RNF6: variants seen among roughly 807,000 people sequenced by gnomAD.
RNF6 encodes ring finger protein 6, also known as E3 ubiquitin-protein ligase RNF6.
RNF6 carries 21 observed loss-of-function variants against 50.1 expected under a neutral mutation model. The ratio of observed to expected loss-of-function variants is 0.42; its 90% confidence interval spans 0.30 to 0.60. The LOEUF is 0.60. Ranked by LOEUF, RNF6 falls within the 20% of genes least tolerant of loss-of-function variation. The probability of loss-of-function intolerance (pLI) is 0.20; values close to 1 mark genes in which losing one functional copy is unlikely to be tolerated. For synonymous variants in RNF6, 255 were observed against 291.8 expected (o/e 0.87, Z 1.29); for missense variants, 698 against 838.2 (o/e 0.83, Z 2.07).
In RNF6 at chr13:26,198,128, GTATATA is replaced by G. The variant is rs61658351; in HGVS notation, n.768+17340_768+17345del. ...TACGAAAGTATATGTGTGTGTGTGT[GTATATA>G]TATATATATACACACACATATATAT... On this transcript the variant is annotated intron_variant and non_coding_transcript_variant, in intron 5 of 5. Coordinates refer to the RNF6 transcript ENST00000468480. Among the ~76,000 whole-genome samples the G allele has an allele frequency of 3.8e-4, 57 of 149,996 alleles. 1 individual carries two copies. Among genetic ancestry groups the G allele is most frequent in the Admixed American group, 1.1e-3 (16 of 15,054 alleles).
intron 5 of RNF6, among the ~76,000 whole-genome samples, chr13:26,153,119 C>G (rs956966720): frequency 6.6e-6 from 1 of 150,504 alleles, no homozygotes; most frequent in Admixed American, 6.6e-5. Context: ...TTCCACTGCA[C>G]TCCAGCCCAG....
intron 5 of RNF6, among the ~76,000 whole-genome samples, chr13:26,174,464 A>C (rs1872854199): frequency 6.6e-6 from 1 of 150,390 alleles, no homozygotes; most frequent in African/African-American, 2.5e-5. Flanking sequence ...CAGCCTGGCC[A>C]ACATGGTGCA....
intron 5 of RNF6, among the ~76,000 whole-genome samples, chr13:26,176,147 C>A (rs1872947374): frequency 1.3e-5 from 2 of 152,160 alleles, no homozygotes; most frequent in African/African-American, 4.8e-5. Flanking sequence ...TGAAGGAGGA[C>A]AGAGGGGTTG....
At chr13:26,197,014 A>C (rs1868693206) in intron 5 of RNF6, among the ~76,000 whole-genome samples, 1 of 151,944 alleles carries the variant, frequency 6.6e-6, no homozygotes, top group East Asian at 1.9e-4. Flanking sequence ...TGGAAAGTTA[A>C]ATATGGGAAG....
At chr13:26,179,408 C>T (rs1873127222) in intron 5 of RNF6, among the ~76,000 whole-genome samples, 2 of 152,156 alleles carry the variant, frequency 1.3e-5, no homozygotes, top group Admixed American at 6.5e-5. Context: ...CTGCCTGTAC[C>T]TCACTTCACA....
chr13:26,192,866 C>CT (rs1184352453), intron 5 of RNF6, among the ~76,000 whole-genome samples: 2 of 152,188 alleles, frequency 1.3e-5, no homozygotes, highest in Non-Finnish European at 2.9e-5. Context: ...AAACAGAGAA[C>CT]CTAGCTAAGA....
At chr13:26,163,683 A>G (rs1388909994) in intron 5 of RNF6, among the ~76,000 whole-genome samples, 2 of 152,134 alleles carry the variant, frequency 1.3e-5, no homozygotes, top group African/African-American at 2.4e-5. Context: ...CTTCTGTTCT[A>G]GGTAATCTGA....
Position 26,215,404 on chromosome 13 carries a change from T to C in RNF6, c.478A>G (p.Arg160Gly). The change falls in exon 5 of 5, where the codon AGA becomes GGA. Residue 160 changes from arginine to glycine, a missense_variant. Physicochemically the swap from Arg to Gly is moderately radical, Grantham distance 125. Coordinates refer to ENST00000381588, the MANE Select transcript of RNF6 (RefSeq NM_005977.4). ...TCTTCTCCATGAATTTCAAATCCTCTATTTTCATGATTTACGTGGATTTCC... is the reference window on the plus strand; with the variant it reads ...TCTTCTCCATGAATTTCAAATCCTCCATTTTCATGATTTACGTGGATTTCC... Reference protein sequence around the residue: ...SLEIHVNHENRGFEIHGEDYT... With the variant: ...SLEIHVNHENGGFEIHGEDYT... 1 of 1,614,230 alleles carries C rather than the reference T, an allele frequency of 6.2e-7. No individual in the cohort carries two copies. The highest frequency in any genetic ancestry group is 8.5e-7 in the Non-Finnish European group (1 of 1,180,030).
At chr13:26,179,938 C>T (rs373158824) in intron 5 of RNF6, among the ~76,000 whole-genome samples, 5 of 152,312 alleles carry the variant, frequency 3.3e-5, no homozygotes, top group East Asian at 3.9e-4. Flanking sequence ...CAAGAAGTTG[C>T]TAAAGAATCA....
chr13:26,216,832 G>C (rs186489490), intron 4 of RNF6, among the ~76,000 whole-genome samples: 2 of 152,124 alleles, frequency 1.3e-5, no homozygotes, highest in Non-Finnish European at 2.9e-5. Context: ...GCGTGCGCCT[G>C]TAATCCCAGC....
intron 5 of RNF6, among the ~76,000 whole-genome samples, chr13:26,159,279 A>G (rs1872088120): frequency 6.6e-6 from 1 of 152,188 alleles, no homozygotes; most frequent in Non-Finnish European, 1.5e-5. Flanking sequence ...TTATTTCATC[A>G]ATTGTAGTAG....
In RNF6 at chr13:26,158,508, T is replaced by A. The variant is rs527695748; in HGVS notation, n.769-26057A>T. On this transcript the variant is annotated intron_variant and non_coding_transcript_variant, in intron 5 of 5. Transcript: ENST00000468480. ...GCGTTAGGGTATCTGTGAAAGTTGG[T>A]CTATTTATAAATATCTACTAGTAAA... Among the ~76,000 whole-genome samples the A allele has an allele frequency of 2.0e-5, 3 of 152,326 alleles. No individual in the cohort carries two copies. In the East Asian group the frequency reaches 5.8e-4, roughly 29 times the overall value.
chr13:26,214,954 G>A lies in RNF6; in HGVS notation c.928C>T (p.Arg310Ter), dbSNP rs749758079. ...PIRLRSTSNS[R>*]SRSPIQRQSG... ...TGTCTCTGAATTGGTGAACGGCTTC[G>A]ACTATTGGAAGTAGATCGTAATCTT... is the stretch of plus-strand genomic sequence containing the variant. The change falls in exon 5 of 5, where the codon CGA becomes TGA. Residue 310 changes from arginine (R) to a stop codon, truncating the protein, a stop_gained. Coordinates refer to ENST00000381588, the MANE Select transcript of RNF6 (RefSeq NM_005977.4). LOFTEE classifies it high-confidence loss of function. The A allele has an allele frequency of 1.2e-6, 2 of 1,614,166 alleles. No individual in the cohort carries two copies. The highest frequency in any genetic ancestry group is 8.5e-7 in the Non-Finnish European group (1 of 1,180,038).
intron 5 of RNF6, among the ~76,000 whole-genome samples, chr13:26,181,405 T>C (rs541004974): frequency 9.2e-5 from 14 of 152,176 alleles, no homozygotes; most frequent in Non-Finnish European, 1.6e-4. Flanking sequence ...GTTGGCATTC[T>C]CCTGACCAAA....
intron 5 of RNF6, among the ~76,000 whole-genome samples, chr13:26,187,022 C>A (rs1276876775): frequency 3.9e-5 from 6 of 152,088 alleles, no homozygotes; most frequent in African/African-American, 9.7e-5. Context: ...CGTGATCCAC[C>A]CACCTCGGCC....
Position 26,202,602 on chromosome 13 carries a change from G to A in RNF6, n.768+12872C>T, listed in dbSNP as rs114655096. On this transcript the variant is annotated intron_variant and non_coding_transcript_variant, in intron 5 of 5. Transcript: ENST00000468480. The stretch of plus-strand genomic sequence containing the variant: ...GACACAAGGCAGCTTCTTATCTCTT[G>A]CTTCACAGCATCACTAAAAATAAAT... Among the ~76,000 whole-genome samples the A allele has an allele frequency of 7.4e-3, 1,121 of 152,132 alleles. 12 individuals are homozygous for A. Among genetic ancestry groups the A allele is most frequent in the African/African-American group, 0.025 (1,040 of 41,528 alleles).
chr13:26,177,507 C>T (rs1243314241), intron 5 of RNF6, among the ~76,000 whole-genome samples: 1 of 152,220 alleles, frequency 6.6e-6, no homozygotes, highest in Admixed American at 6.5e-5. Flanking sequence ...GTTAAGCACT[C>T]AGTGGGAGAG....
At chr13:26,176,559 A>G (rs909820259) in intron 5 of RNF6, among the ~76,000 whole-genome samples, 7 of 152,220 alleles carry the variant, frequency 4.6e-5, no homozygotes, top group African/African-American at 1.7e-4. Flanking sequence ...TTTATTTGAA[A>G]ATAGGGTCTC....
chr13:26,199,493 CAA>C (rs1868809690), intron 5 of RNF6, among the ~76,000 whole-genome samples: 1 of 152,022 alleles, frequency 6.6e-6, no homozygotes, highest in Non-Finnish European at 1.5e-5. Context: ...AGGTACCACA[CAA>C]AAAGCATGGA....
Sources: gnomAD v4.1 joint callset for allele counts (sites outside exome capture counted in the v4.1 genomes callset) on GRCh38, gnomAD v4.1.1 for gene constraint, MANE v1.5 for transcripts, NCBI Gene and HGNC (gene_info 2026-07-23, HGNC 2026-07-21) for gene names.